PCDHA7: variants seen among roughly 807,000 people sequenced by gnomAD.
PCDHA7 encodes the protein protocadherin alpha 7, also known as protocadherin alpha-7.
In PCDHA7, 37 loss-of-function variants were observed where a neutral mutation model predicts 57.2. The ratio of observed to expected loss-of-function variants is 0.65; its 90% CI spans 0.50 to 0.85. PCDHA7 has a LOEUF of 0.85. Ranked by LOEUF, PCDHA7 falls within the 40% of genes least tolerant of loss-of-function variation. PCDHA7 has a pLI of 0.00. For missense variants in PCDHA7, 1,188 were observed against 1,241.8 expected, an observed-to-expected ratio of 0.96 and a Z score of 0.65; for synonymous variants, 553 against 558.8, an observed-to-expected ratio of 0.99 and a Z score of 0.15.
intron 1 of PCDHA7, among the ~76,000 whole-genome samples, chr5:140,957,852 A>ATT (rs5871756): frequency 1.3e-5 from 2 of 151,656 alleles, no homozygotes; most frequent in East Asian, 1.9e-4. Flanking sequence ...GAGTTTGTGT[A>ATT]TTTTTTTTCC....
intron 1 of PCDHA7, chr5:140,883,864 G>A: frequency 6.2e-7 from 1 of 1,613,210 alleles, no homozygotes; most frequent in East Asian, 2.2e-5. Flanking sequence ...AGCTGTTGCA[G>A]TTCCAGGTGA....
At chr5:140,923,362 T>C (rs1294539314) in intron 1 of PCDHA7, among the ~76,000 whole-genome samples, 1 of 152,136 alleles carries the variant, frequency 6.6e-6, no homozygotes, top group East Asian at 1.9e-4. Context: ...CCTATCTTTA[T>C]AAAATATTTT....
intron 1 of PCDHA7, among the ~76,000 whole-genome samples, chr5:140,854,875 T>A (rs2150323966): frequency 6.7e-6 from 1 of 150,054 alleles, no homozygotes; most frequent in African/African-American, 2.4e-5. Context: ...CAGAACTGTG[T>A]CTTTTGGGCA....
chr5:140,979,585 G>T (rs1486792990), intron 2 of PCDHA7, among the ~76,000 whole-genome samples: 1 of 152,156 alleles, frequency 6.6e-6, no homozygotes, highest in Non-Finnish European at 1.5e-5. Context: ...TCCAAATCTA[G>T]CTTACTTTAA....
At chr5:140,900,489 C>G (rs1429058590) in intron 1 of PCDHA7, among the ~76,000 whole-genome samples, 8 of 152,196 alleles carry the variant, frequency 5.3e-5, no homozygotes, top group African/African-American at 1.7e-4. Context: ...GTTGGTCAGA[C>G]TGGTCTCAAA....
chr5:140,947,882 T>C (rs1554218353), intron 1 of PCDHA7, among the ~76,000 whole-genome samples: 1 of 151,580 alleles, frequency 6.6e-6, no homozygotes, highest in Non-Finnish European at 1.5e-5. Context: ...TCCAGGACAA[T>C]ATAAACAGAA....
intron 1 of PCDHA7, chr5:140,851,015 G>T: frequency 7.0e-7 from 1 of 1,432,294 alleles, no homozygotes. Flanking sequence ...TTTTTTTTCT[G>T]ATAAAGTAAA....
intron 1 of PCDHA7, chr5:140,870,088 A>G: frequency 1.9e-6 from 3 of 1,613,934 alleles, no homozygotes; most frequent in Non-Finnish European, 2.5e-6. Flanking sequence ...GACTCCCCCA[A>G]TGGCAGGTCA....
Position 140,851,473 on chromosome 5 carries a change from G to T in PCDHA7, c.2355+14735G>T. The stretch of plus-strand genomic sequence containing the variant: ...TAGGAATCAAATTATGTCAATAAAT[G>T]TTATAAACACAGCCTTCATTTCAAC... On this transcript the variant is annotated intron_variant, in intron 1 of 3. Coordinates refer to ENST00000525929, the MANE Select transcript of PCDHA7 (RefSeq NM_018910.3). 6.7e-6 allele frequency: 6 copies of T among 889,518 alleles called. 1 individual carries two copies. The highest frequency in any genetic ancestry group is 8.2e-6 in the Non-Finnish European group (6 of 729,154). 55.1% of individuals were successfully genotyped at this position (889,518 alleles called of 1,614,324 possible).
intron 3 of PCDHA7, among the ~76,000 whole-genome samples, chr5:140,985,909 T>C (rs1421545707): frequency 6.6e-6 from 1 of 151,912 alleles, no homozygotes; most frequent in Non-Finnish European, 1.5e-5. Flanking sequence ...CCGTCTAATT[T>C]TTTGTATTTT....
intron 3 of PCDHA7, among the ~76,000 whole-genome samples, chr5:141,007,284 C>T (rs2098312696): frequency 6.6e-6 from 1 of 151,430 alleles, no homozygotes; most frequent in Admixed American, 6.6e-5. Context: ...GTGCAGTGGG[C>T]TCATGCCTGT....
chr5:140,951,716 C>T (rs2094623458), intron 1 of PCDHA7, among the ~76,000 whole-genome samples: 1 of 152,102 alleles, frequency 6.6e-6, no homozygotes, highest in South Asian at 2.1e-4. Flanking sequence ...GGACACAGAT[C>T]CAAACCATGT....
At chr5:140,863,396 G>C (rs782335492) in intron 1 of PCDHA7, 1 of 872,572 alleles carries the variant, frequency 1.1e-6, no homozygotes, top group Non-Finnish European at 1.8e-6. Context: ...TGCATGCCGG[G>C]CAAGCCCACG....
At chr5:140,842,758 G>A (rs1778250066) in intron 1 of PCDHA7, 3 of 1,594,690 alleles carry the variant, frequency 1.9e-6, no homozygotes, top group Non-Finnish European at 1.7e-6. Context: ...CGGTGTCTGC[G>A]CGAGACGCGG....
At chr5:140,895,898 G>A (rs1023440863) in intron 1 of PCDHA7, among the ~76,000 whole-genome samples, 2 of 152,016 alleles carry the variant, frequency 1.3e-5, no homozygotes, top group South Asian at 4.1e-4. Flanking sequence ...TGCAACCTCC[G>A]CGTCCCGGGC....
chr5:140,935,051 C>T (rs1554210307), intron 1 of PCDHA7, among the ~76,000 whole-genome samples: 1 of 152,096 alleles, frequency 6.6e-6, no homozygotes, highest in African/African-American at 2.4e-5. Context: ...TCTGGTATTA[C>T]AAGATGTTCA....
chr5:140,942,497 G>A (rs189402882), intron 1 of PCDHA7, among the ~76,000 whole-genome samples: 1 of 152,040 alleles, frequency 6.6e-6, no homozygotes, highest in Admixed American at 6.6e-5. Context: ...TAAATACATG[G>A]TATCTAGGAA....
intron 1 of PCDHA7, among the ~76,000 whole-genome samples, chr5:140,955,093 G>A (rs1554221774): frequency 6.6e-6 from 1 of 152,118 alleles, no homozygotes; most frequent in African/African-American, 2.4e-5. Flanking sequence ...TAGGTGTGTG[G>A]TGTTATTTCT....
chr5:140,979,292 C>T (rs1449910823), intron 2 of PCDHA7, among the ~76,000 whole-genome samples: 1 of 151,814 alleles, frequency 6.6e-6, no homozygotes, highest in African/African-American at 2.4e-5. Flanking sequence ...GTAATTTCAA[C>T]CTCCTTCATC....
Sources: gnomAD v4.1 joint callset for allele counts (sites outside exome capture counted in the v4.1 genomes callset) on GRCh38, gnomAD v4.1.1 for gene constraint, MANE v1.5 for transcripts, NCBI Gene and HGNC (gene_info 2026-07-23, HGNC 2026-07-21) for gene names.